Variants in CTNND2 observed in about 807,000 individuals in gnomAD.
The protein encoded by CTNND2 is catenin delta 2, also known as catenin delta-2.
A neutral mutation model predicts 144.4 loss-of-function variants in CTNND2; 22 were observed. The ratio of observed to expected loss-of-function variants is 0.15; its 90% CI spans 0.11 to 0.22. The LOEUF (loss-of-function observed/expected upper bound fraction) is 0.22, where lower values mean the gene tolerates loss of function less well. Ranked by LOEUF, CTNND2 falls within the 10% of genes least tolerant of loss-of-function variation. The pLI is 1.00. For synonymous variants in CTNND2, 751 were observed against 695.6 expected (o/e 1.08, Z -1.25); for missense variants, 1,353 against 1,618.8 (o/e 0.84, Z 2.82).
At chr5:11,684,102 ATTTTTT>A (rs907243889) in intron 2 of CTNND2, among the ~76,000 whole-genome samples, 2 of 151,372 alleles carry the variant, frequency 1.3e-5, no homozygotes, top group Non-Finnish European at 2.9e-5. Flanking sequence ...TTTTATTTTT[ATTTTTT>A]ATTTTTTTTT....
intron 12 of CTNND2, among the ~76,000 whole-genome samples, chr5:11,131,016 C>T (rs1755543042): frequency 6.6e-6 from 1 of 152,142 alleles, no homozygotes; most frequent in Non-Finnish European, 1.5e-5. Context: ...AATGATTTGC[C>T]AGCCATGGCC....
At chr5:11,040,052 ACT>A (rs968781881) in intron 16 of CTNND2, among the ~76,000 whole-genome samples, 6 of 151,928 alleles carry the variant, frequency 3.9e-5, no homozygotes, top group African/African-American at 1.5e-4. Context: ...AACAGAGTGA[ACT>A]CTGTCTCAAA....
chr5:11,587,175 A>G (rs1009523327), intron 2 of CTNND2, among the ~76,000 whole-genome samples: 2 of 152,268 alleles, frequency 1.3e-5, no homozygotes, highest in Non-Finnish European at 1.5e-5. Context: ...GAGACTTCAT[A>G]GTCATTTACT....
chr5:11,673,218 A>G (rs1038932205), intron 2 of CTNND2, among the ~76,000 whole-genome samples: 2 of 152,166 alleles, frequency 1.3e-5, no homozygotes, highest in Non-Finnish European at 2.9e-5. Context: ...CAGTCTTTTT[A>G]TATGAGATAA....
At chr5:11,452,212 T>C (rs896683028) in intron 3 of CTNND2, among the ~76,000 whole-genome samples, 2 of 152,210 alleles carry the variant, frequency 1.3e-5, no homozygotes, top group South Asian at 2.1e-4. Flanking sequence ...GCAAATGCAA[T>C]TCAATATTTG....
Position 11,142,676 on chromosome 5 carries a change from C to T in CTNND2, c.2159+16900G>A, listed in dbSNP as rs1297241392. ...TCACCCAGGCTGGAGTGCAGTGGCGCGATCTCGACTCACTGCAAGCTCCGC... is the reference window on the plus strand; with the variant it reads ...TCACCCAGGCTGGAGTGCAGTGGCGTGATCTCGACTCACTGCAAGCTCCGC... On this transcript the variant is annotated intron_variant, in intron 12 of 21. Coordinates refer to ENST00000304623, the MANE Select transcript of CTNND2 (RefSeq NM_001332.4). Among the ~76,000 whole-genome samples, 5 of 148,994 alleles carry T rather than the reference C, an allele frequency of 3.4e-5. No individual in the cohort carries two copies. The South Asian group carries it at 6.4e-4, about 19-fold the overall frequency.
At chr5:11,300,541 C>T (rs191463877) in intron 9 of CTNND2, among the ~76,000 whole-genome samples, 1 of 152,236 alleles carries the variant, frequency 6.6e-6, no homozygotes, top group Non-Finnish European at 1.5e-5. Context: ...GATCCGAAGT[C>T]CTTCCCACCC....
chr5:11,329,617 G>A lies in CTNND2; in HGVS notation c.1628+16755C>T, dbSNP rs114139404. ...GTGCTACAGTTACCCACACTGGAGA[G>A]ATGCAGATCTCTGCAGAAGTCCTGT... On this transcript the variant is annotated intron_variant, in intron 9 of 21. Transcript: ENST00000304623. 9.7e-3 allele frequency among the ~76,000 whole-genome samples: 1,472 copies of A among 152,346 alleles called. 8 individuals are homozygous for A. Among genetic ancestry groups the A allele is most frequent in the South Asian group, 0.047 (227 of 4,826 alleles).
At position 11,034,578 on chromosome 5, in the gene CTNND2, A is replaced by G. The variant is rs961850603; in HGVS notation, c.2789-11599T>C. Among the ~76,000 whole-genome samples, 2 of 152,218 alleles carry G rather than the reference A, an allele frequency of 1.3e-5. 1 individual carries two copies. Among genetic ancestry groups the G allele is most frequent in the African/African-American group, 4.8e-5 (2 of 41,450 alleles). On this transcript the variant is annotated intron_variant, in intron 16 of 21. Coordinates refer to ENST00000304623, the MANE Select transcript of CTNND2 (RefSeq NM_001332.4). ...AATTCATGAAATACAAAAACAATAT[A>G]TCAGACTGTTGGAGGAAGGACATTG...
At chr5:11,014,572 A>C (rs1416293472) in intron 18 of CTNND2, among the ~76,000 whole-genome samples, 1 of 152,248 alleles carries the variant, frequency 6.6e-6, no homozygotes, top group African/African-American at 2.4e-5. Context: ...CCAGAAGGCC[A>C]AGCTTCACAA....
chr5:11,399,429 T>C (rs11948396), intron 5 of CTNND2, among the ~76,000 whole-genome samples: 1 of 152,218 alleles, frequency 6.6e-6, no homozygotes, highest in African/African-American at 2.4e-5. Flanking sequence ...TCAAAGAGAA[T>C]GCAGGAATTG....
chr5:11,659,527 T>C (rs532605663), intron 2 of CTNND2, among the ~76,000 whole-genome samples: 1 of 152,234 alleles, frequency 6.6e-6, no homozygotes, highest in South Asian at 2.1e-4. Context: ...TGCACATTGA[T>C]GCAAGGACAT....
intron 2 of CTNND2, among the ~76,000 whole-genome samples, chr5:11,676,009 C>A (rs1784154645): frequency 6.6e-6 from 1 of 151,866 alleles, no homozygotes; most frequent in Non-Finnish European, 1.5e-5. Flanking sequence ...AGACTGCCTC[C>A]TCAAGTGGGT....
At chr5:11,019,245 G>C (rs545904585) in intron 17 of CTNND2, among the ~76,000 whole-genome samples, 3 of 152,114 alleles carry the variant, frequency 2.0e-5, no homozygotes, top group Non-Finnish European at 4.4e-5. Context: ...GAGAATTTTA[G>C]ATCCTTTCAT....
intron 15 of CTNND2, among the ~76,000 whole-genome samples, chr5:11,086,171 C>T (rs1225653675): frequency 1.3e-5 from 2 of 152,140 alleles, no homozygotes; most frequent in Admixed American, 6.5e-5. Context: ...ATGGTGGGAG[C>T]AGACGGTGCC....
At chr5:11,593,185 TAACCATAACAGAATATAAA>T (rs146367013) in intron 2 of CTNND2, among the ~76,000 whole-genome samples, 4,033 of 152,240 alleles carry the variant, frequency 0.026, 93 homozygotes, top group East Asian at 0.12. Flanking sequence ...CAAAATGAGC[TAACCATAACAGAATATAAA>T]AAAAGTTATA....
chr5:11,768,017 A>G (rs934946577), intron 1 of CTNND2, among the ~76,000 whole-genome samples: 18 of 152,150 alleles, frequency 1.2e-4, no homozygotes, highest in African/African-American at 4.3e-4. Context: ...AAACTCCTTC[A>G]TTTCCACTAA....
chr5:11,421,433 G>A (rs1050142454), intron 3 of CTNND2, among the ~76,000 whole-genome samples: 1 of 152,070 alleles, frequency 6.6e-6, no homozygotes, highest in Non-Finnish European at 1.5e-5. Context: ...TTTGCATATT[G>A]GCTTCGAGGC....
intron 1 of CTNND2, among the ~76,000 whole-genome samples, chr5:11,806,243 A>G (rs1379517418): frequency 6.6e-6 from 1 of 152,182 alleles, no homozygotes; most frequent in Non-Finnish European, 1.5e-5. Context: ...AGATGTTCAG[A>G]TGAGGGACAA....
Sources: allele counts gnomAD v4.1 joint callset (sites outside exome capture counted in the v4.1 genomes callset), GRCh38; gene constraint gnomAD v4.1.1; transcripts MANE v1.5; gene names NCBI Gene and HGNC (gene_info 2026-07-23, HGNC 2026-07-21).